Variants in CCDC141 observed in about 807,000 individuals in gnomAD.
The protein encoded by CCDC141 is coiled-coil domain-containing protein 141.
In CCDC141, 168 loss-of-function variants were observed where a neutral mutation model predicts 181.0. The ratio of observed to expected loss-of-function variants is 0.93; its 90% CI spans 0.82 to 1.05. CCDC141 has a LOEUF of 1.05. CCDC141 is among the 50% of genes least tolerant of loss of function. The probability of loss-of-function intolerance (pLI) is 0.00; values close to 1 mark genes in which losing one functional copy is unlikely to be tolerated. For synonymous variants in CCDC141, 666 were observed against 642.3 expected (o/e 1.04, Z -0.56); for missense variants, 1,902 against 1,788.5 (o/e 1.06, Z -1.14).
At chr2:178,838,547 C>A (rs966177957) in intron 22 of CCDC141, among the ~76,000 whole-genome samples, 2 of 152,128 alleles carry the variant, frequency 1.3e-5, no homozygotes, top group African/African-American at 4.8e-5. Flanking sequence ...TTTATTCTTG[C>A]ATTGAAAAAA....
Position 178,834,014 on chromosome 2 carries a change from T to C in CCDC141, c.*159A>G, listed in dbSNP as rs998980420. The C allele has an allele frequency of 1.4e-5, 10 of 701,230 alleles. No homozygotes were observed. Among genetic ancestry groups the C allele is most frequent in the Non-Finnish European group, 2.1e-5 (9 of 435,414 alleles). 43.4% of individuals were successfully genotyped at this position (701,230 alleles called of 1,614,324 possible). ...AAATATATTAAACGCTCCAGAAAAT[T>C]TGATTATTTCACCTAGCAGTGGTAT... is the stretch of plus-strand genomic sequence containing the variant. On this transcript the variant is annotated 3_prime_UTR_variant, in exon 24 of 24. Coordinates refer to ENST00000443758, the MANE Select transcript of CCDC141 (RefSeq NM_173648.4).
chr2:178,959,139 GT>G (rs140221803), intron 5 of CCDC141, among the ~76,000 whole-genome samples: 3,117 of 144,494 alleles, frequency 0.022, 128 homozygotes, highest in African/African-American at 0.075. Context: ...ACTGGGGCCT[GT>G]TGTGGGGTGG....
chr2:178,816,723 T>G, the CCDC141 span, among the ~76,000 whole-genome samples: 1 of 152,214 alleles, frequency 6.6e-6, no homozygotes, highest in Non-Finnish European at 1.5e-5. Context: ...GTGCTTTGGA[T>G]TTTAGCCATT....
intron 2 of CCDC141, among the ~76,000 whole-genome samples, chr2:179,004,912 T>G (rs557223461): frequency 9.2e-5 from 14 of 152,218 alleles, no homozygotes; most frequent in South Asian, 2.1e-4. Flanking sequence ...TTGTATTTTT[T>G]GGGGAGATGG....
the CCDC141 span, chr2:178,817,801 C>CCCTT: frequency 3.5e-6 from 1 of 287,256 alleles, no homozygotes; most frequent in Non-Finnish European, 6.7e-6. Context: ...CTTCCTCCCT[C>CCCTT]CCTCCCTCCC....
chr2:178,950,205 G>A (rs576323725), intron 5 of CCDC141, among the ~76,000 whole-genome samples: 8 of 152,278 alleles, frequency 5.3e-5, no homozygotes, highest in African/African-American at 1.9e-4. Context: ...AAGACTTTTT[G>A]ACAGTCTCTC....
downstream of CCDC141, among the ~76,000 whole-genome samples, chr2:178,824,790 A>T (rs1684094555): frequency 6.6e-6 from 1 of 152,132 alleles, no homozygotes; most frequent in Non-Finnish European, 1.5e-5. Flanking sequence ...GTGCAATTAT[A>T]CAATGTATTG....
intron 1 of CCDC141, among the ~76,000 whole-genome samples, chr2:179,049,378 T>A (rs1365304499): frequency 6.6e-6 from 1 of 152,042 alleles, no homozygotes; most frequent in African/African-American, 2.4e-5. Flanking sequence ...CTGAGTTCCA[T>A]CGTGCTTAAA....
At chr2:178,828,540 T>C (rs1575104703), downstream of CCDC141, among the ~76,000 whole-genome samples, 1 of 152,290 alleles carries the variant, frequency 6.6e-6, no homozygotes, top group East Asian at 1.9e-4. Flanking sequence ...AAAGGCACCT[T>C]CTGGAGCTGC....
chr2:179,049,441 T>A (rs561350008), intron 1 of CCDC141, among the ~76,000 whole-genome samples: 65 of 152,194 alleles, frequency 4.3e-4, no homozygotes, highest in African/African-American at 1.5e-3. Context: ...CTCCATCACA[T>A]CCACTCTCAA....
Position 178,853,562 on chromosome 2 carries a change from C to A in CCDC141, c.3123G>T (p.Glu1041Asp). ...TVVRVGKYST[E>D]CKTKEAVKIL... ...TTTTCACAGCTTCCTTTGTCTTGCA[C>A]TCTGTGGAATATTTTCCAACTCTTA... The change falls in exon 20 of 24, where the codon GAG becomes GAT. Residue 1041 changes from glutamate (E) to aspartate (D), a missense_variant. Coordinates refer to ENST00000443758, the MANE Select transcript of CCDC141 (RefSeq NM_173648.4). 6.2e-7 allele frequency: 1 copy of A among 1,614,136 alleles called. No homozygotes were observed. Among genetic ancestry groups the A allele is most frequent in the Non-Finnish European group, 8.5e-7 (1 of 1,179,986 alleles).
chr2:179,011,689 G>A (rs537868401), intron 2 of CCDC141, among the ~76,000 whole-genome samples: 2 of 152,114 alleles, frequency 1.3e-5, no homozygotes, highest in African/African-American at 2.4e-5. Flanking sequence ...TCAACAGCAC[G>A]TGGAACTTTA....
intron 5 of CCDC141, among the ~76,000 whole-genome samples, chr2:178,951,633 A>G (rs1190292934): frequency 6.6e-6 from 1 of 152,146 alleles, no homozygotes; most frequent in African/African-American, 2.4e-5. Context: ...GGAGAAAATG[A>G]TTTCTACTCC....
At chr2:178,854,041 G>A (rs1685279489) in intron 19 of CCDC141, among the ~76,000 whole-genome samples, 1 of 152,144 alleles carries the variant, frequency 6.6e-6, no homozygotes. Context: ...CCAGCATAAA[G>A]AATTGATATC....
chr2:178,933,093 A>T (rs543520670), intron 6 of CCDC141, among the ~76,000 whole-genome samples: 1 of 152,318 alleles, frequency 6.6e-6, no homozygotes, highest in Non-Finnish European at 1.5e-5. Context: ...AATGACTTGG[A>T]AAATCGGATT....
At chr2:178,910,674 T>C (rs1457683056) in intron 7 of CCDC141, among the ~76,000 whole-genome samples, 1 of 152,180 alleles carries the variant, frequency 6.6e-6, no homozygotes, top group Non-Finnish European at 1.5e-5. Flanking sequence ...GGCCAGAATA[T>C]AGGGGTGATG....
At chr2:178,853,010 A>G (rs976191251) in intron 20 of CCDC141, among the ~76,000 whole-genome samples, 1 of 152,096 alleles carries the variant, frequency 6.6e-6, no homozygotes, top group African/African-American at 2.4e-5. Flanking sequence ...GCCTCATAGA[A>G]AGGAGAGGAC....
rs2042417284 is a variant in CCDC141 at position 179,015,105 on chromosome 2, A to ATATATAT, written c.225+32172_225+32178dup. ...ATATATATATATATATATATATATA[A>ATATATAT]TATATATATAATCATATATATATAT... On this transcript the variant is annotated intron_variant, in intron 2 of 23. Transcript: ENST00000443758. 4.7e-4 allele frequency among the ~76,000 whole-genome samples: 10 copies of ATATATAT among 21,362 alleles called. 1 individual carries two copies. The highest frequency in any genetic ancestry group is 2.2e-3 in the East Asian group (2 of 908). 14.0% of individuals were successfully genotyped at this position (21,362 alleles called of 152,430 possible).
intron 4 of CCDC141, among the ~76,000 whole-genome samples, chr2:178,969,264 C>T (rs758386867): frequency 1.3e-5 from 2 of 152,132 alleles, no homozygotes; most frequent in African/African-American, 2.4e-5. Context: ...AGGCCAGCAT[C>T]ATTCTGATAC....
Sources: gnomAD v4.1 joint callset for allele counts (sites outside exome capture counted in the v4.1 genomes callset) on GRCh38, gnomAD v4.1.1 for gene constraint, MANE v1.5 for transcripts, NCBI Gene and HGNC (gene_info 2026-07-23, HGNC 2026-07-21) for gene names.